RUFY3: variants seen among roughly 807,000 people sequenced by gnomAD.
RUFY3 encodes protein RUFY3.
Under a neutral mutation model 84.0 loss-of-function variants are expected in RUFY3, and 34 were observed. That is an observed-to-expected ratio of 0.40 (90% CI 0.31 to 0.54). RUFY3 has a LOEUF of 0.54. Among genes scored for constraint, RUFY3 ranks in the 20% least tolerant of loss-of-function variants. RUFY3 has a pLI of 0.39. For synonymous variants in RUFY3, 242 were observed against 252.9 expected (o/e 0.96, Z 0.41); for missense variants, 507 against 736.8 (o/e 0.69, Z 3.61).
exon 1 of RUFY3, chr4:70,705,216 T>G (rs1560426388): frequency 6.9e-7 from 1 of 1,459,542 alleles, no homozygotes. Flanking sequence ...GACCCCGCCG[T>G]CCCCCGGCTC....
intron 9 of RUFY3, among the ~76,000 whole-genome samples, chr4:70,783,857 T>A (rs1403480135): frequency 6.6e-6 from 1 of 152,192 alleles, no homozygotes; most frequent in African/African-American, 2.4e-5. Flanking sequence ...TTCCTGTCTT[T>A]TACGTATTCA....
chr4:70,761,262 C>T (rs917178231), intron 1 of RUFY3, among the ~76,000 whole-genome samples: 3 of 152,134 alleles, frequency 2.0e-5, no homozygotes, highest in Non-Finnish European at 4.4e-5. Context: ...AACTGTTACA[C>T]CTTGGACCAC....
Position 70,714,068 on chromosome 4 carries a change from C to T in RUFY3, c.358+8774C>T, listed in dbSNP as rs150040196. Among the ~76,000 whole-genome samples the T allele has an allele frequency of 2.1e-3, 313 of 152,246 alleles. 1 individual carries two copies. Among genetic ancestry groups the T allele is most frequent in the Middle Eastern group, 6.8e-3 (2 of 294 alleles). On this transcript the variant is annotated intron_variant, in intron 1 of 11. Transcript: ENST00000417478. ...TCCGAAATGGTTAATATTATTATCC[C>T]CATTTTGTTAATGTAGAAATGGGCA...
chr4:70,732,529 T>A (rs977269801), intron 1 of RUFY3, among the ~76,000 whole-genome samples: 2 of 152,080 alleles, frequency 1.3e-5, no homozygotes, highest in Non-Finnish European at 2.9e-5. Flanking sequence ...AATAATACAC[T>A]GGATAAAGAA....
intron 1 of RUFY3, among the ~76,000 whole-genome samples, chr4:70,736,395 A>G (rs564225121): frequency 9.2e-5 from 14 of 152,206 alleles, no homozygotes; most frequent in East Asian, 7.7e-4. Flanking sequence ...CACTTTTTCA[A>G]TGTATACACT....
intron 9 of RUFY3, 76 bp from the exon 10 acceptor site, chr4:70,784,720 C>T: frequency 1.2e-6 from 1 of 847,638 alleles, no homozygotes; most frequent in Non-Finnish European, 1.7e-6. Context: ...TTTTTTCTTG[C>T]TAAGTAGCAG....
Position 70,777,958 on chromosome 4 carries a change from G to A in RUFY3, c.825-411G>A, listed in dbSNP as rs998801589. On this transcript the variant is annotated intron_variant, in intron 7 of 17. Coordinates refer to ENST00000381006, the MANE Select transcript of RUFY3 (RefSeq NM_001037442.4). ...AGATTTGTGAGCATTAAGGCCTGGC[G>A]CAGTGGCTCATGCCTGTAATCCCAG... Among the ~76,000 whole-genome samples the A allele has an allele frequency of 3.9e-5, 6 of 152,144 alleles. No individual in the cohort carries two copies. In the East Asian group the frequency reaches 5.8e-4, roughly 15 times the overall value.
intron 1 of RUFY3, among the ~76,000 whole-genome samples, chr4:70,705,543 G>T (rs1740204351): frequency 6.6e-6 from 1 of 151,788 alleles, no homozygotes. Context: ...CTCCTGCCTG[G>T]CCTGGTCTCT....
intron 8 of RUFY3, among the ~76,000 whole-genome samples, chr4:70,781,118 C>T (rs1728847759): frequency 6.7e-6 from 1 of 149,926 alleles, no homozygotes; most frequent in South Asian, 2.1e-4. Flanking sequence ...AAAAAGATAG[C>T]AGACCTCTTT....
chr4:70,751,226 C>T (rs1723081414), intron 1 of RUFY3, among the ~76,000 whole-genome samples: 1 of 152,142 alleles, frequency 6.6e-6, no homozygotes, highest in African/African-American at 2.4e-5. Context: ...TCCCACCACC[C>T]TCTAGTAGTC....
intron 11 of RUFY3, 117 bp from the exon 12 acceptor site, chr4:70,789,378 A>G (rs1730441258): frequency 1.0e-6 from 1 of 1,000,494 alleles, no homozygotes; most frequent in African/African-American, 1.6e-5. Context: ...GGATTAACTG[A>G]TATTGAAATA....
At chr4:70,730,654 A>T (rs1362500967) in intron 1 of RUFY3, among the ~76,000 whole-genome samples, 2 of 151,934 alleles carry the variant, frequency 1.3e-5, no homozygotes, top group Non-Finnish European at 2.9e-5. Flanking sequence ...CAGGAGAATC[A>T]CTTGAACCTG....
At position 70,806,722 on chromosome 4, in the gene RUFY3, T is replaced by G. The variant is rs1732893860; in HGVS notation, c.*63T>G. ...GGCTCCTCTGTACCTGTGTTTTAGCTGTCAGGATCTCATAGAGCCCAGTTC... is the reference window on the plus strand; with the variant it reads ...GGCTCCTCTGTACCTGTGTTTTAGCGGTCAGGATCTCATAGAGCCCAGTTC... On this transcript the variant is annotated 3_prime_UTR_variant, in exon 18 of 18. Transcript: ENST00000381006. 4.4e-6 allele frequency: 7 copies of G among 1,584,444 alleles called. No individual in the cohort carries two copies. Among genetic ancestry groups the G allele is most frequent in the Non-Finnish European group, 6.0e-6 (7 of 1,159,468 alleles).
rs1322703417 is a variant in RUFY3 at position 70,728,904 on chromosome 4, G to A, written c.178+6153G>A. 4.7e-5 allele frequency among the ~76,000 whole-genome samples: 7 copies of A among 149,898 alleles called. No homozygotes were observed. The East Asian group carries it at 1.2e-3, about 25-fold the overall frequency. On this transcript the variant is annotated intron_variant, in intron 1 of 17. Transcript: ENST00000381006. ...TTCTTTTTTTTTTTTTTTAAATGAG[G>A]CCTTGAGATTTGGAAATTTCTAAGT...
intron 4 of RUFY3, 96 bp downstream of exon 4, chr4:70,764,672 C>A: frequency 1.5e-6 from 1 of 676,834 alleles, no homozygotes; most frequent in Non-Finnish European, 2.5e-6. Context: ...AGATCAGAAA[C>A]ATTTGATTCA....
intron 12 of RUFY3, chr4:70,791,706 C>T: frequency 9.9e-7 from 1 of 1,005,136 alleles, no homozygotes; most frequent in Non-Finnish European, 1.2e-6. Context: ...CCTGTTCTGC[C>T]ATTGCAGTGT....
chr4:70,786,750 T>C (rs949039584), intron 10 of RUFY3, among the ~76,000 whole-genome samples: 30 of 152,100 alleles, frequency 2.0e-4, no homozygotes, highest in Admixed American at 1.9e-3. Flanking sequence ...GGTGCTAGTG[T>C]TATTATATTA....
intron 1 of RUFY3, among the ~76,000 whole-genome samples, chr4:70,714,657 A>G (rs1741370756): frequency 6.6e-6 from 1 of 152,256 alleles, no homozygotes; most frequent in Non-Finnish European, 1.5e-5. Context: ...TATCTATACC[A>G]GCAAGTATCT....
intron 1 of RUFY3, among the ~76,000 whole-genome samples, chr4:70,732,442 A>G (rs1480822483): frequency 6.6e-6 from 1 of 152,226 alleles, no homozygotes; most frequent in African/African-American, 2.4e-5. Flanking sequence ...ATGTTACTGT[A>G]AAGACACATG....
Sources: allele counts gnomAD v4.1 joint callset (sites outside exome capture counted in the v4.1 genomes callset), GRCh38; gene constraint gnomAD v4.1.1; transcripts MANE v1.5; gene names NCBI Gene and HGNC (gene_info 2026-07-23, HGNC 2026-07-21).